The following SYNPR variants were observed in gnomAD, a reference collection of about 807,000 sequenced individuals.
SYNPR encodes synaptoporin.
SYNPR carries 23 observed loss-of-function variants against 32.9 expected under a neutral mutation model. The observed-to-expected ratio is 0.70, with a 90% confidence interval of 0.50 to 0.99. The LOEUF (loss-of-function observed/expected upper bound fraction) is 0.99. Among genes scored for constraint, SYNPR ranks in the 50% least tolerant of loss-of-function variants. The pLI is 0.00. For missense variants in SYNPR, 318 were observed against 349.3 expected (o/e 0.91, Z 0.71); for synonymous variants, 146 against 135.9 (o/e 1.07, Z -0.52).
chr3:63,372,443 T>G (rs1442495732), intron 2 of SYNPR, among the ~76,000 whole-genome samples: 1 of 152,138 alleles, frequency 6.6e-6, no homozygotes, highest in African/African-American at 2.4e-5. Context: ...TGCCCCTGGA[T>G]TGGGGAAGTA....
intron 3 of SYNPR, among the ~76,000 whole-genome samples, chr3:63,484,128 G>A (rs541333503): frequency 6.6e-6 from 1 of 152,270 alleles, no homozygotes; most frequent in East Asian, 1.9e-4. Flanking sequence ...ATATGCCGAA[G>A]TGCATATCTC....
chr3:63,292,631 C>T (rs1253789629), intron 2 of SYNPR, among the ~76,000 whole-genome samples: 1 of 152,182 alleles, frequency 6.6e-6, no homozygotes, highest in East Asian at 1.9e-4. Flanking sequence ...CATTAAATAA[C>T]ATTCGCAAAG....
chr3:63,425,832 G>T (rs961873231), intron 2 of SYNPR, among the ~76,000 whole-genome samples: 3 of 150,590 alleles, frequency 2.0e-5, no homozygotes, highest in African/African-American at 7.3e-5. Flanking sequence ...ACCCAGGCTG[G>T]AGTGCAGTGG....
rs554366767 is a variant in SYNPR, at chr3:63,288,908, A to C, written c.84+10166A>C. On this transcript the variant is annotated intron_variant, in intron 2 of 5. Coordinates refer to ENST00000478300, the MANE Select transcript of SYNPR (RefSeq NM_001130003.2). The stretch of plus-strand genomic sequence containing the variant: ...GGAAAAATGTAGAAGGCAGTCTGGA[A>C]CTTAAAGAAGCATCAGTTTTGGGGT... Among the ~76,000 whole-genome samples, 45 of 152,296 alleles carry C rather than the reference A, an allele frequency of 3.0e-4. 2 individuals carry two copies. The South Asian group carries it at 9.1e-3, about 31-fold the overall frequency.
intron 3 of SYNPR, among the ~76,000 whole-genome samples, chr3:63,485,959 T>G (rs1289896279): frequency 6.6e-6 from 1 of 152,210 alleles, no homozygotes; most frequent in Non-Finnish European, 1.5e-5. Context: ...ACATATGAGA[T>G]TAGTAATCAC....
intron 3 of SYNPR, among the ~76,000 whole-genome samples, chr3:63,497,308 T>G (rs541587423): frequency 6.6e-6 from 1 of 152,328 alleles, no homozygotes; most frequent in East Asian, 1.9e-4. Flanking sequence ...GTTTGTTTCA[T>G]AGTACTTACA....
chr3:63,488,076 G>C (rs1208951488), intron 3 of SYNPR, among the ~76,000 whole-genome samples: 2 of 152,242 alleles, frequency 1.3e-5, no homozygotes, highest in Non-Finnish European at 1.5e-5. Flanking sequence ...GCTCTGCCAG[G>C]CAGAAAGAAT....
intron 2 of SYNPR, among the ~76,000 whole-genome samples, chr3:63,294,704 A>G (rs1014979197): frequency 6.6e-6 from 1 of 152,184 alleles, no homozygotes; most frequent in East Asian, 1.9e-4. Context: ...AAAGGTAATT[A>G]CTGTTGTTAT....
At chr3:63,433,093 A>T (rs1700021792) in intron 2 of SYNPR, among the ~76,000 whole-genome samples, 1 of 152,242 alleles carries the variant, frequency 6.6e-6, no homozygotes, top group Non-Finnish European at 1.5e-5. Context: ...CATATCACAG[A>T]GTATTGCGTG....
intron 3 of SYNPR, among the ~76,000 whole-genome samples, chr3:63,506,478 T>TTAATCCTG (rs1701590463): frequency 6.6e-6 from 1 of 152,206 alleles, no homozygotes; most frequent in Admixed American, 6.5e-5. Flanking sequence ...TTCAGAACTA[T>TTAATCCTG]TAATCCTGTG....
At chr3:63,356,136 AT>A (rs931744554) in intron 2 of SYNPR, among the ~76,000 whole-genome samples, 2 of 152,000 alleles carry the variant, frequency 1.3e-5, no homozygotes, top group Middle Eastern at 3.4e-3. Context: ...TATACTTTAA[AT>A]TTTTTTTCAC....
intron 2 of SYNPR, among the ~76,000 whole-genome samples, chr3:63,424,705 T>C (rs969609313): frequency 6.6e-6 from 1 of 152,184 alleles, no homozygotes; most frequent in Non-Finnish European, 1.5e-5. Flanking sequence ...GTACACAATA[T>C]CGACAATCCC....
At chr3:63,297,064 C>A (rs1431844602) in intron 2 of SYNPR, among the ~76,000 whole-genome samples, 1 of 152,208 alleles carries the variant, frequency 6.6e-6, no homozygotes, top group East Asian at 1.9e-4. Flanking sequence ...TATTGGACAG[C>A]AAAAGTGTAG....
intron 5 of SYNPR, among the ~76,000 whole-genome samples, chr3:63,613,609 G>GAA (rs1700233448): frequency 1.5e-4 from 2 of 13,416 alleles, no homozygotes; most frequent in Non-Finnish European, 2.5e-4. Flanking sequence ...TTATGCTGCA[G>GAA]CAAAAAAAAA....
chr3:63,259,796 C>T (rs141419702), intron 2 of SYNPR, among the ~76,000 whole-genome samples: 3 of 151,994 alleles, frequency 2.0e-5, no homozygotes, highest in African/African-American at 7.3e-5. Flanking sequence ...CCCTGTTTGC[C>T]GATGACATGA....
At chr3:63,259,959 T>C (rs1236881922) in intron 2 of SYNPR, among the ~76,000 whole-genome samples, 1 of 152,128 alleles carries the variant, frequency 6.6e-6, no homozygotes, top group East Asian at 1.9e-4. Flanking sequence ...ATGAGTGAAC[T>C]CTCATTCACA....
intron 2 of SYNPR, among the ~76,000 whole-genome samples, chr3:63,384,860 T>A (rs1350043483): frequency 6.6e-6 from 1 of 152,188 alleles, no homozygotes; most frequent in Non-Finnish European, 1.5e-5. Flanking sequence ...CAAGGAAGCA[T>A]AGCCATGGTG....
intron 5 of SYNPR, chr3:63,610,542 A>G (rs1418868293): frequency 1.4e-6 from 1 of 696,946 alleles, no homozygotes; most frequent in South Asian, 1.5e-5. Flanking sequence ...CTGGACTGTG[A>G]TTTCTGCTTT....
intron 3 of SYNPR, among the ~76,000 whole-genome samples, chr3:63,513,211 G>A (rs1364442718): frequency 8.1e-6 from 1 of 123,524 alleles, no homozygotes; most frequent in African/African-American, 3.2e-5. Flanking sequence ...ATTTGTTTCT[G>A]TTTTTTTGTT....
Sources: gnomAD v4.1 joint callset for allele counts (sites outside exome capture counted in the v4.1 genomes callset) on GRCh38, gnomAD v4.1.1 for gene constraint, MANE v1.5 for transcripts, NCBI Gene and HGNC (gene_info 2026-07-23, HGNC 2026-07-21) for gene names.